PIK3C2B: variants seen among roughly 807,000 people sequenced by gnomAD.
PIK3C2B encodes phosphatidylinositol 4-phosphate 3-kinase C2 domain-containing subunit beta.
Under a neutral mutation model 184.3 loss-of-function variants are expected in PIK3C2B, and 83 were observed. That is an observed-to-expected ratio of 0.45 (90% CI 0.38 to 0.54). The LOEUF is 0.54. Among genes scored for constraint, PIK3C2B ranks in the 20% least tolerant of loss-of-function variants. PIK3C2B has a pLI of 0.00. For synonymous variants in PIK3C2B, 779 were observed against 837.6 expected, an observed-to-expected ratio of 0.93 and a Z score of 1.21; for missense variants, 1,736 against 2,113.5, an observed-to-expected ratio of 0.82 and a Z score of 3.50.
intron 1 of PIK3C2B, among the ~76,000 whole-genome samples, chr1:204,476,997 A>C (rs536979084): frequency 1.3e-5 from 2 of 152,314 alleles, no homozygotes; most frequent in Non-Finnish European, 1.5e-5. Flanking sequence ...CTGCTTTACC[A>C]TTTAAAAGTA....
At chr1:204,445,206 G>GA (rs771864314) in intron 16 of PIK3C2B, among the ~76,000 whole-genome samples, 5,241 of 117,834 alleles carry the variant, frequency 0.044, 201 homozygotes, top group African/African-American at 0.1. Context: ...TGCCCCAAAA[G>GA]AAAAAAAAAA....
intron 8 of PIK3C2B, among the ~76,000 whole-genome samples, chr1:204,459,472 T>C (rs1280898203): frequency 1.3e-5 from 2 of 152,188 alleles, no homozygotes; most frequent in Non-Finnish European, 2.9e-5. Context: ...TACCTCCTGA[T>C]GGTTTCCTAC....
intron 12 of PIK3C2B, among the ~76,000 whole-genome samples, chr1:204,450,341 C>T (rs922521051): frequency 2.6e-5 from 4 of 152,168 alleles, no homozygotes; most frequent in Admixed American, 1.3e-4. Context: ...GGTGATGACA[C>T]GTCCCATGTT....
intron 23 of PIK3C2B, among the ~76,000 whole-genome samples, chr1:204,437,463 C>T (rs1469286930): frequency 6.6e-6 from 1 of 151,708 alleles, no homozygotes; most frequent in African/African-American, 2.4e-5. Context: ...CCATTGCACT[C>T]CGGCCTGGGC....
intron 28 of PIK3C2B, 200 bp downstream of exon 28, chr1:204,431,469 A>AGTGAGAGCTC: frequency 1.6e-6 from 1 of 621,838 alleles, no homozygotes; most frequent in Non-Finnish European, 2.8e-6. Flanking sequence ...GTGGGCCTGG[A>AGTGAGAGCTC]GTGAGAGCTC....
Position 204,458,984 on chromosome 1 carries a change from A to G in PIK3C2B, c.1566+894T>C, listed in dbSNP as rs542780432. Among the ~76,000 whole-genome samples, 66 of 152,296 alleles carry G rather than the reference A, an allele frequency of 4.3e-4. 1 individual carries two copies. The highest frequency in any genetic ancestry group is 6.8e-3 in the Middle Eastern group (2 of 294). On this transcript the variant is annotated intron_variant, in intron 8 of 32. Coordinates refer to ENST00000684373, the MANE Select transcript of PIK3C2B (RefSeq NM_001377334.1). ...CCTCAAAAAGGAAGCGTTTATGACT[A>G]CTATTAACTGGATCAATGAGACAGG...
In PIK3C2B at chr1:204,449,904, CGCT is replaced by C. The variant is rs1558249670; in HGVS notation, c.2177_2179del (p.Gln726del). On this transcript the variant is annotated inframe_deletion, in exon 13 of 33. Coordinates refer to ENST00000684373, the MANE Select transcript of PIK3C2B (RefSeq NM_001377334.1). ...CCAGCCCAGGGCTTCAGGCACCCGC[CGCT>C]GCTTATTGGCCTCTGAGGAGCTCCC... The C allele has an allele frequency of 6.2e-7, 1 of 1,613,846 alleles. No individual in the cohort carries two copies. Among genetic ancestry groups the C allele is most frequent in the Non-Finnish European group, 8.5e-7 (1 of 1,179,940 alleles).
chr1:204,488,803 C>T (rs944269562), intron 1 of PIK3C2B, among the ~76,000 whole-genome samples: 7 of 152,166 alleles, frequency 4.6e-5, no homozygotes, highest in African/African-American at 1.4e-4. Context: ...GATGAGTTCA[C>T]AAGGCAACCC....
chr1:204,479,941 GC>G (rs1409259177), intron 1 of PIK3C2B, among the ~76,000 whole-genome samples: 1 of 152,246 alleles, frequency 6.6e-6, no homozygotes, highest in Admixed American at 6.5e-5. Flanking sequence ...GCTCTGCTCT[GC>G]CTGGAGGGCT....
chr1:204,440,075 A>C, intron 22 of PIK3C2B, 117 bp downstream of exon 22: 1 of 1,079,646 alleles, frequency 9.3e-7, no homozygotes, highest in Non-Finnish European at 1.3e-6. Flanking sequence ...GCTTCTCATG[A>C]AATAATCTTG....
rs762141593 is a variant in PIK3C2B at position 204,469,139 on chromosome 1, G to A, written c.664C>T (p.Leu222=). The change falls in exon 2 of 33, where the codon CTA becomes TTA. Residue 222 remains leucine (L), a synonymous_variant. Coordinates refer to ENST00000684373, the MANE Select transcript of PIK3C2B (RefSeq NM_001377334.1). The part of the protein sequence containing the change: ...EVLGGGGQGR[L]LGSVDYDGIN... Reference sequence around the variant, plus strand: ...CCATCATAGTCCACAGACCCCAGTAGGCGCCCCTGACCCCCACCTCCCAGC... The same window carrying A: ...CCATCATAGTCCACAGACCCCAGTAAGCGCCCCTGACCCCCACCTCCCAGC... 2 of 1,614,182 alleles carry A rather than the reference G, an allele frequency of 1.2e-6. No homozygotes were observed. The highest frequency in any genetic ancestry group is 8.5e-7 in the Non-Finnish European group (1 of 1,180,034).
At chr1:204,425,766 A>C in intron 31 of PIK3C2B, 25 bp from the exon 32 acceptor site, 2 of 1,609,434 alleles carry the variant, frequency 1.2e-6, no homozygotes, top group Non-Finnish European at 1.7e-6. Context: ...GAACCAAAAA[A>C]ATGTTAAGAT....
At position 204,469,781 on chromosome 1, in the gene PIK3C2B, C is replaced by T. The variant is rs1250269233; in HGVS notation, c.22G>A (p.Gly8Arg). Residue 8 changes from glycine (G) to arginine (R), a missense_variant, in exon 2 of 33, where the codon GGG becomes AGG. Transcript: ENST00000684373. MSSTQGN[G>R]EHWKSLESVG... Reference sequence around the variant, plus strand: ...GACTCCAGGGACTTCCAGTGTTCCCCATTGCCCTGAGTCGAAGACATGGTG... The same window carrying T: ...GACTCCAGGGACTTCCAGTGTTCCCTATTGCCCTGAGTCGAAGACATGGTG... 1.9e-6 allele frequency: 3 copies of T among 1,613,646 alleles called. No individual in the cohort carries two copies. The African/African-American group carries it at 4.0e-5, about 22-fold the overall frequency.
rs1462159266 is a variant in PIK3C2B at position 204,456,906 on chromosome 1, A to C, written c.1747+131T>G. The C allele has an allele frequency of 4.4e-3, 677 of 152,820 alleles. 6 individuals carry two copies. Among genetic ancestry groups the C allele is most frequent in the African/African-American group, 0.022 (549 of 24,672 alleles). The allele number at this position is 152,820 out of a possible 1,614,324, so 9.5% of individuals were successfully genotyped here. On this transcript the variant is annotated intron_variant, in intron 10 of 32. Coordinates refer to ENST00000684373, the MANE Select transcript of PIK3C2B (RefSeq NM_001377334.1). ...CACACACACACACACACACACACAC[A>C]CCCACACACACACACACACCAGCCG...
At position 204,424,220 on chromosome 1, in the gene PIK3C2B, A is replaced by G. The variant is rs1419409237; in HGVS notation, c.*632T>C. On this transcript the variant is annotated 3_prime_UTR_variant, in exon 33 of 33. Coordinates refer to ENST00000684373, the MANE Select transcript of PIK3C2B (RefSeq NM_001377334.1). Reference sequence around the variant, plus strand: ...AGTGGCACAAGCCTCAGTCCAGCACAGGCAGCCCTCCCCAACCCTCCCCAA... The same window carrying G: ...AGTGGCACAAGCCTCAGTCCAGCACGGGCAGCCCTCCCCAACCCTCCCCAA... 1.2e-5 allele frequency: 2 copies of G among 173,278 alleles called. No homozygotes were observed. Among genetic ancestry groups the G allele is most frequent in the Admixed American group, 1.1e-4 (2 of 18,022 alleles). 10.7% of individuals were successfully genotyped at this position (173,278 alleles called of 1,614,324 possible). A position where few individuals can be genotyped will look rare whatever the true frequency, so the allele number is the denominator to read the frequency against.
rs942009890 is a variant in PIK3C2B at position 204,469,497 on chromosome 1, C to A, written c.306G>T (p.Pro102=). ...GCCCTTGGGAGGTAGAGTGGTTGGGCGGCCCTTCCTGTGGGGAGAGTGAGT... is the reference window on the plus strand; with the variant it reads ...GCCCTTGGGAGGTAGAGTGGTTGGGAGGCCCTTCCTGTGGGGAGAGTGAGT... The part of the protein sequence containing the change: ...NYNSLSPQEG[P]PNHSTSQGPQ... The change falls in exon 2 of 33, where the codon CCG becomes CCT. Residue 102 remains proline, a synonymous_variant. Coordinates refer to ENST00000684373, the MANE Select transcript of PIK3C2B (RefSeq NM_001377334.1). 2.5e-6 allele frequency: 4 copies of A among 1,607,300 alleles called. No individual in the cohort carries two copies. Among genetic ancestry groups the A allele is most frequent in the African/African-American group, 2.7e-5 (2 of 74,818 alleles).
In PIK3C2B at chr1:204,449,346, A is replaced by G. The variant is rs61762619; in HGVS notation, c.2235-50T>C. 4.2e-4 allele frequency: 569 copies of G among 1,342,482 alleles called. 5 individuals are homozygous for G. In the African/African-American group the frequency reaches 7.6e-3, roughly 18 times the overall value. The allele number at this position is 1,342,482 out of a possible 1,614,324, so 83.2% of individuals were successfully genotyped here. A position where few individuals can be genotyped will look rare whatever the true frequency, so the allele number is the denominator to read the frequency against. Reference sequence around the variant, plus strand: ...AGCTGCTAAAGTGGCTAAGCAGAGAATATTTCTACTGCTCCCCCAATCCAA... The same window carrying G: ...AGCTGCTAAAGTGGCTAAGCAGAGAGTATTTCTACTGCTCCCCCAATCCAA... On this transcript the variant is annotated intron_variant, in intron 13 of 32. Coordinates refer to ENST00000684373, the MANE Select transcript of PIK3C2B (RefSeq NM_001377334.1).
Position 204,459,880 on chromosome 1 carries a change from C to T in PIK3C2B, c.1564G>A (p.Asp522Asn). 1 of 1,613,318 alleles carries T rather than the reference C, an allele frequency of 6.2e-7. No individual in the cohort carries two copies. Among genetic ancestry groups the T allele is most frequent in the Non-Finnish European group, 8.5e-7 (1 of 1,179,644 alleles). The change falls in exon 8 of 33, where the codon GAT (aspartate) becomes AAT (asparagine). Residue 522 changes from aspartate to asparagine, a missense_variant and splice_region_variant. By Grantham distance (23) the Asp-to-Asn change is conservative. Coordinates refer to ENST00000684373, the MANE Select transcript of PIK3C2B (RefSeq NM_001377334.1). The stretch of plus-strand genomic sequence containing the variant: ...CCAGCCCCTGGATTCGTACTCACAT[C>T]AGCCAGCAGGAAGGCATCCACCTCA... ...HNEVDAFLLA[D>N]GDFPLKADRV...
In PIK3C2B at chr1:204,433,644, G is replaced by T. The variant is rs1358912854; in HGVS notation, c.3843+149C>A. ...GACATCATTGTCCTCAGGTAGTCTG[G>T]GTCCCTGCCTTTATCTAGGGCAGGC... On this transcript the variant is annotated intron_variant, in intron 25 of 32. Transcript: ENST00000684373. The surrounding 1 kb of genome is among the most constrained non-coding windows in gnomAD (Gnocchi z 5.0). The T allele has an allele frequency of 1.2e-6, 1 of 816,156 alleles. No individual in the cohort carries two copies. The highest frequency in any genetic ancestry group is 1.7e-5 in the African/African-American group (1 of 58,514). The allele number at this position is 816,156 out of a possible 1,614,324, so 50.6% of individuals were successfully genotyped here.
Sources: allele counts gnomAD v4.1 joint callset (sites outside exome capture counted in the v4.1 genomes callset), GRCh38; gene constraint gnomAD v4.1.1; non-coding constraint Gnocchi (gnomAD v3.1); transcripts MANE v1.5; gene names NCBI Gene and HGNC (gene_info 2026-07-23, HGNC 2026-07-21).